UBE2R2: variants seen among roughly 807,000 people sequenced by gnomAD.
The protein encoded by UBE2R2 is ubiquitin-conjugating enzyme E2 R2.
In UBE2R2, 1 loss-of-function variant was observed where a neutral mutation model predicts 27.8. The observed-to-expected ratio is 0.04, with a 90% CI of 0.01 to 0.17. The LOEUF (loss-of-function observed/expected upper bound fraction) is 0.17. Among genes scored for constraint, UBE2R2 ranks in the 10% least tolerant of loss-of-function variants. The probability of loss-of-function intolerance (pLI) is 1.00; values close to 1 mark genes in which losing one functional copy is unlikely to be tolerated. For missense variants in UBE2R2, 100 were observed against 291.0 expected (o/e 0.34, Z 4.78); for synonymous variants, 106 against 113.3 (o/e 0.94, Z 0.41).
rs144742669 is a variant in UBE2R2, at chr9:33,870,166, C to T, written c.178-16715C>T. On this transcript the variant is annotated intron_variant, in intron 1 of 4. Transcript: ENST00000263228. ...AGCCTTATTTTTATTTTTTTGAGATCGAATCTCGCTTTGTCACCTAGGCTG... is the reference window on the plus strand; with the variant it reads ...AGCCTTATTTTTATTTTTTTGAGATTGAATCTCGCTTTGTCACCTAGGCTG... Among the ~76,000 whole-genome samples the T allele has an allele frequency of 8.4e-3, 1,264 of 150,522 alleles. 15 individuals are homozygous for T. The highest frequency in any genetic ancestry group is 0.028 in the African/African-American group (1,162 of 40,966).
intron 1 of UBE2R2, among the ~76,000 whole-genome samples, chr9:33,847,721 G>A (rs1028448336): frequency 6.9e-6 from 1 of 145,268 alleles, no homozygotes; most frequent in African/African-American, 2.5e-5. Context: ...CTTGTTTTCT[G>A]TGCTTCAGTT....
chr9:33,818,048 C>T, intron 1 of UBE2R2, 114 bp downstream of exon 1: 8 of 1,258,640 alleles, frequency 6.4e-6, no homozygotes, highest in Non-Finnish European at 8.6e-6. Context: ...GAGGGGGCTT[C>T]TCACCCGTGC....
chr9:33,847,467 CT>C (rs1343936407), intron 1 of UBE2R2, among the ~76,000 whole-genome samples: 1 of 152,096 alleles, frequency 6.6e-6, no homozygotes, highest in African/African-American at 2.4e-5. Flanking sequence ...CTTTTGGCTG[CT>C]TTTAATATTT....
intron 2 of UBE2R2, among the ~76,000 whole-genome samples, chr9:33,887,898 A>T (rs1394125387): frequency 1.3e-5 from 2 of 152,154 alleles, no homozygotes; most frequent in Non-Finnish European, 2.9e-5. Context: ...GCTGTTCTTG[A>T]ATTCCTGACC....
intron 1 of UBE2R2, among the ~76,000 whole-genome samples, chr9:33,834,884 T>C (rs1329554853): frequency 6.7e-6 from 1 of 148,314 alleles, no homozygotes; most frequent in East Asian, 2.0e-4. Flanking sequence ...CACTCCAGCC[T>C]GGGCAACAAG....
chr9:33,879,515 G>A (rs965021841), intron 1 of UBE2R2, among the ~76,000 whole-genome samples: 3 of 148,858 alleles, frequency 2.0e-5, no homozygotes, highest in African/African-American at 4.9e-5. Flanking sequence ...GTGCAGTGGC[G>A]TGATCACAGC....
intron 1 of UBE2R2, among the ~76,000 whole-genome samples, chr9:33,867,970 C>A (rs1413412340): frequency 6.6e-6 from 1 of 152,188 alleles, no homozygotes; most frequent in Admixed American, 6.6e-5. Context: ...GGCCCCTGTC[C>A]TCTCAGCACC....
At chr9:33,853,591 T>G (rs1206040238) in intron 1 of UBE2R2, among the ~76,000 whole-genome samples, 2 of 151,820 alleles carry the variant, frequency 1.3e-5, no homozygotes, top group Non-Finnish European at 2.9e-5. Context: ...AGCCTATCTT[T>G]TCTATTTTAA....
intron 1 of UBE2R2, among the ~76,000 whole-genome samples, chr9:33,840,637 T>C (rs957294790): frequency 2.0e-5 from 3 of 151,990 alleles, no homozygotes; most frequent in Admixed American, 2.0e-4. Context: ...TGGTTTTCTC[T>C]TTTTTTTAAA....
chr9:33,887,761 T>G (rs1249972851), intron 2 of UBE2R2, among the ~76,000 whole-genome samples: 1 of 152,178 alleles, frequency 6.6e-6, no homozygotes, highest in African/African-American at 2.4e-5. Context: ...ACCTCTGCTT[T>G]CCGGCTCCCA....
chr9:33,905,156 A>G (rs766958907), intron 3 of UBE2R2, among the ~76,000 whole-genome samples: 3 of 152,168 alleles, frequency 2.0e-5, no homozygotes, highest in Non-Finnish European at 2.9e-5. Context: ...TTTATGTTGA[A>G]AGAGGCATAC....
At chr9:33,890,493 G>A (rs889796381) in intron 2 of UBE2R2, among the ~76,000 whole-genome samples, 26 of 151,672 alleles carry the variant, frequency 1.7e-4, no homozygotes, top group Non-Finnish European at 3.2e-4. Context: ...GCTTGAACCC[G>A]GGAGGCAGAG....
At chr9:33,835,193 G>T (rs1158403020) in intron 1 of UBE2R2, among the ~76,000 whole-genome samples, 1 of 140,548 alleles carries the variant, frequency 7.1e-6, no homozygotes, top group Non-Finnish European at 1.5e-5. Flanking sequence ...TGTTGCCTAG[G>T]CTGGAGTTTA....
chr9:33,853,574 C>T (rs920249381), intron 1 of UBE2R2, among the ~76,000 whole-genome samples: 4 of 151,324 alleles, frequency 2.6e-5, no homozygotes, highest in Admixed American at 6.6e-5. Context: ...TGTGAGCCAC[C>T]GTGCCCAGCC....
At chr9:33,891,047 G>GTTTTTTGTTT (rs1554676117) in intron 2 of UBE2R2, among the ~76,000 whole-genome samples, 3 of 126,374 alleles carry the variant, frequency 2.4e-5, no homozygotes, top group African/African-American at 8.6e-5. Context: ...TTGTTGTTGT[G>GTTTTTTGTTT]TTTTTTTGTT....
At chr9:33,862,140 A>T (rs545723436) in intron 1 of UBE2R2, among the ~76,000 whole-genome samples, 1 of 152,192 alleles carries the variant, frequency 6.6e-6, no homozygotes, top group South Asian at 2.1e-4. Context: ...GGCATGAGCC[A>T]CCGTGCCCGG....
intron 3 of UBE2R2, among the ~76,000 whole-genome samples, chr9:33,903,647 C>T (rs1368577316): frequency 6.6e-6 from 1 of 152,148 alleles, no homozygotes; most frequent in Admixed American, 6.5e-5. Flanking sequence ...GCCTACTTCT[C>T]ATGTAATCCA....
At chr9:33,871,344 A>G (rs1233927869) in intron 1 of UBE2R2, among the ~76,000 whole-genome samples, 1 of 152,214 alleles carries the variant, frequency 6.6e-6, no homozygotes, top group East Asian at 1.9e-4. Context: ...TATTTACATA[A>G]ATAGTGTTTG....
intron 1 of UBE2R2, among the ~76,000 whole-genome samples, chr9:33,866,159 C>G (rs2130773985): frequency 6.6e-6 from 1 of 151,920 alleles, no homozygotes; most frequent in African/African-American, 2.4e-5. Flanking sequence ...ATGTGCTTAT[C>G]AGTAATTCAT....
Sources: gnomAD v4.1 joint callset for allele counts (sites outside exome capture counted in the v4.1 genomes callset) on GRCh38, gnomAD v4.1.1 for gene constraint, MANE v1.5 for transcripts, NCBI Gene and HGNC (gene_info 2026-07-23, HGNC 2026-07-21) for gene names.